SND1: variants seen among roughly 807,000 people sequenced by gnomAD.
SND1 encodes staphylococcal nuclease domain-containing protein 1.
Under a neutral mutation model 121.7 loss-of-function variants are expected in SND1, and 38 were observed. The ratio of observed to expected loss-of-function variants is 0.31; its 90% CI spans 0.24 to 0.41. The LOEUF (loss-of-function observed/expected upper bound fraction) is 0.41, where lower values mean the gene tolerates loss of function less well. SND1 is among the 10% of genes least tolerant of loss of function. The probability of loss-of-function intolerance (pLI) is 1.00; values close to 1 mark genes in which losing one functional copy is unlikely to be tolerated. For missense variants in SND1, 868 were observed against 1,184.6 expected (o/e 0.73, Z 3.92); for synonymous variants, 401 against 447.4 (o/e 0.90, Z 1.31).
In SND1 at chr7:127,978,840, C is replaced by T. The variant is rs140514261; in HGVS notation, c.1670-12107C>T. Reference sequence around the variant, plus strand: ...TAGCTGGGATTACAGGCGCACACCACCACGCCTGGCCAATTTTTGTATTTT... The same window carrying T: ...TAGCTGGGATTACAGGCGCACACCATCACGCCTGGCCAATTTTTGTATTTT... On this transcript the variant is annotated intron_variant, in intron 15 of 23. Transcript: ENST00000354725. Among the ~76,000 whole-genome samples, 377 of 152,254 alleles carry T rather than the reference C, an allele frequency of 2.5e-3. 16 individuals carry two copies. The East Asian group carries it at 0.054, about 22-fold the overall frequency.
intron 10 of SND1, among the ~76,000 whole-genome samples, chr7:127,754,356 A>G (rs1247346074): frequency 6.6e-6 from 1 of 152,146 alleles, no homozygotes; most frequent in Non-Finnish European, 1.5e-5. Flanking sequence ...GCCAGAACCA[A>G]ATTTCCTATA....
At chr7:127,952,589 T>C (rs1470534947) in intron 15 of SND1, among the ~76,000 whole-genome samples, 1 of 152,122 alleles carries the variant, frequency 6.6e-6, no homozygotes, top group Non-Finnish European at 1.5e-5. Context: ...AGTAGATCCG[T>C]TAGCCACTGA....
At chr7:128,026,271 C>T (rs1033279556) in intron 16 of SND1, among the ~76,000 whole-genome samples, 24 of 152,246 alleles carry the variant, frequency 1.6e-4, no homozygotes, top group Middle Eastern at 6.8e-3. Flanking sequence ...GCAGGAGGAA[C>T]GGATCTTTGG....
At position 128,085,333 on chromosome 7, in the gene SND1, C is replaced by T. The variant is rs781370784; in HGVS notation, c.2235-378C>T. 8.5e-5 allele frequency among the ~76,000 whole-genome samples: 13 copies of T among 152,068 alleles called. No homozygotes were observed. Among genetic ancestry groups the T allele is most frequent in the Non-Finnish European group, 1.3e-4 (9 of 68,016 alleles). On this transcript the variant is annotated intron_variant, in intron 19 of 23. Transcript: ENST00000354725. The surrounding 1 kb of genome is among the most constrained non-coding windows in gnomAD (Gnocchi z 4.4). ...AGGGCCCATGGCCTTCCCAGGGTGA[C>T]GAAGTGACTTGGATATGTTCCCTGC... is the stretch of plus-strand genomic sequence containing the variant.
At chr7:127,701,358 G>A (rs749666822) in intron 5 of SND1, 35 bp downstream of exon 5, 1 of 1,594,216 alleles carries the variant, frequency 6.3e-7, no homozygotes, top group African/African-American at 1.3e-5. Context: ...TACGACTCAG[G>A]GTGATTTCTT....
At chr7:127,849,166 G>A (rs867765572) in intron 12 of SND1, among the ~76,000 whole-genome samples, 9 of 152,270 alleles carry the variant, frequency 5.9e-5, no homozygotes, top group African/African-American at 1.9e-4. Flanking sequence ...TCAAGATGGC[G>A]CTTCCTGTTA....
chr7:127,807,606 G>C, intron 11 of SND1, 33 bp downstream of exon 11: 1 of 1,554,500 alleles, frequency 6.4e-7, no homozygotes, highest in Non-Finnish European at 8.9e-7. Flanking sequence ...ATATTTGCAA[G>C]TGGTTGGGCT....
At chr7:128,036,752 A>C (rs537375377) in intron 16 of SND1, among the ~76,000 whole-genome samples, 19 of 152,174 alleles carry the variant, frequency 1.2e-4, no homozygotes, top group Non-Finnish European at 2.2e-4. Context: ...CTTTTGGAAT[A>C]GTTTGCATGT....
chr7:127,969,220 C>T (rs927030494), intron 15 of SND1, among the ~76,000 whole-genome samples: 4 of 152,162 alleles, frequency 2.6e-5, no homozygotes, highest in Middle Eastern at 3.4e-3. Context: ...TTAGTCATTA[C>T]GGGTGCCTTG....
At chr7:127,718,876 A>G in intron 9 of SND1, 1 of 423,864 alleles carries the variant, frequency 2.4e-6, no homozygotes, top group Middle Eastern at 1.2e-3. Context: ...GTTTTTGGGA[A>G]TTCACAACAA....
At chr7:127,924,287 AT>A (rs1169865107) in intron 14 of SND1, among the ~76,000 whole-genome samples, 1 of 151,962 alleles carries the variant, frequency 6.6e-6, no homozygotes, top group Non-Finnish European at 1.5e-5. Context: ...TTTGTAGTTC[AT>A]TTTCCTGTGA....
chr7:127,976,534 T>C (rs1802124671), intron 15 of SND1, among the ~76,000 whole-genome samples: 1 of 152,234 alleles, frequency 6.6e-6, no homozygotes, highest in African/African-American at 2.4e-5. Context: ...AAAGCTTCCG[T>C]TGAGTGCACT....
chr7:127,886,174 C>CTTA (rs1324208140), intron 12 of SND1, among the ~76,000 whole-genome samples: 1 of 152,054 alleles, frequency 6.6e-6, no homozygotes, highest in Non-Finnish European at 1.5e-5. Flanking sequence ...AGTGCTAATT[C>CTTA]CGTGGCAGTT....
At chr7:127,665,841 C>G (rs1795407555) in intron 1 of SND1, among the ~76,000 whole-genome samples, 1 of 152,218 alleles carries the variant, frequency 6.6e-6, no homozygotes, top group Admixed American at 6.5e-5. Flanking sequence ...AACAGAATCA[C>G]TGTGCCAAGT....
intron 10 of SND1, among the ~76,000 whole-genome samples, chr7:127,771,918 C>G (rs1797518796): frequency 6.6e-6 from 1 of 152,012 alleles, no homozygotes; most frequent in Non-Finnish European, 1.5e-5. Flanking sequence ...CCGGCTGGGC[C>G]ATCTATTTAA....
intron 10 of SND1, among the ~76,000 whole-genome samples, chr7:127,782,650 T>C (rs1797743847): frequency 6.6e-6 from 1 of 152,142 alleles, no homozygotes; most frequent in African/African-American, 2.4e-5. Context: ...TGTATGGAAG[T>C]TAAAGAAAGT....
At chr7:128,048,406 G>A (rs1337433040) in intron 16 of SND1, among the ~76,000 whole-genome samples, 1 of 151,976 alleles carries the variant, frequency 6.6e-6, no homozygotes, top group Non-Finnish European at 1.5e-5. Context: ...GGGCATTTGT[G>A]GGCATGTTTG....
intron 16 of SND1, among the ~76,000 whole-genome samples, chr7:128,033,785 G>A (rs1344526636): frequency 2.0e-5 from 3 of 152,178 alleles, no homozygotes. Flanking sequence ...ACTAGTAAGT[G>A]ATAGTGGATT....
intron 12 of SND1, among the ~76,000 whole-genome samples, chr7:127,859,970 C>G (rs748172238): frequency 1.3e-5 from 2 of 152,142 alleles, no homozygotes; most frequent in Non-Finnish European, 2.9e-5. Flanking sequence ...TCTCAGATCA[C>G]TTTTACAGCT....
Sources: allele counts gnomAD v4.1 joint callset (sites outside exome capture counted in the v4.1 genomes callset), GRCh38; gene constraint gnomAD v4.1.1; non-coding constraint Gnocchi (gnomAD v3.1); transcripts MANE v1.5; gene names NCBI Gene and HGNC (gene_info 2026-07-23, HGNC 2026-07-21).